The following PHACTR1 variants were observed in gnomAD, a reference collection of about 807,000 sequenced individuals.
The protein encoded by PHACTR1 is phosphatase and actin regulator 1.
In PHACTR1, 16 loss-of-function variants were observed where a neutral mutation model predicts 69.2. That is an observed-to-expected ratio of 0.23 (90% CI 0.16 to 0.35). The LOEUF (loss-of-function observed/expected upper bound fraction) is 0.35, where lower values mean the gene tolerates loss of function less well. PHACTR1 is among the 10% of genes least tolerant of loss of function. The pLI is 1.00. For synonymous variants in PHACTR1, 312 were observed against 284.5 expected (o/e 1.10, Z -0.97); for missense variants, 510 against 734.7 (o/e 0.69, Z 3.54).
chr6:13,063,330 A>G (rs555093258), intron 5 of PHACTR1, among the ~76,000 whole-genome samples: 5 of 152,206 alleles, frequency 3.3e-5, no homozygotes, highest in African/African-American at 7.2e-5. Context: ...GACAAGCCCA[A>G]CTGAGTGGCA....
chr6:13,284,313 T>C (rs1584466900), intron 13 of PHACTR1, among the ~76,000 whole-genome samples: 1 of 149,606 alleles, frequency 6.7e-6, no homozygotes, highest in South Asian at 2.1e-4. Context: ...AGGTCAGGAG[T>C]TCAAGACCAG....
At chr6:12,973,916 A>ATTTTTT (rs33948457) in intron 4 of PHACTR1, among the ~76,000 whole-genome samples, 67 of 92,822 alleles carry the variant, frequency 7.2e-4, no homozygotes, top group African/African-American at 8.8e-4. Context: ...AGAGGCTGGG[A>ATTTTTT]TTTTTTTTTT....
At chr6:13,112,051 C>T (rs573229986) in intron 5 of PHACTR1, among the ~76,000 whole-genome samples, 192 of 152,104 alleles carry the variant, frequency 1.3e-3, no homozygotes, top group Non-Finnish European at 2.1e-3. Flanking sequence ...CCATTAGGCC[C>T]CAGTGGGTGT....
intron 4 of PHACTR1, among the ~76,000 whole-genome samples, chr6:12,938,226 GTTATT>G (rs1789674631): frequency 6.6e-6 from 1 of 152,184 alleles, no homozygotes; most frequent in African/African-American, 2.4e-5. Flanking sequence ...GGTAAGAATT[GTTATT>G]TCCTGTCCTA....
intron 4 of PHACTR1, among the ~76,000 whole-genome samples, chr6:12,788,309 C>A (rs1229205986): frequency 6.6e-6 from 1 of 152,006 alleles, no homozygotes; most frequent in East Asian, 1.9e-4. Flanking sequence ...CTTTGCTTTG[C>A]AGAAATGAAA....
At chr6:13,059,604 G>T (rs1033045461) in intron 5 of PHACTR1, among the ~76,000 whole-genome samples, 1 of 152,048 alleles carries the variant, frequency 6.6e-6, no homozygotes. Flanking sequence ...TCATCTACTT[G>T]TATATTTACA....
intron 4 of PHACTR1, among the ~76,000 whole-genome samples, chr6:12,878,512 C>T (rs144591236): frequency 6.6e-6 from 1 of 152,286 alleles, no homozygotes; most frequent in African/African-American, 2.4e-5. Context: ...TCTCTTGAAG[C>T]CCTTGCCCTT....
At position 13,122,256 on chromosome 6, in the gene PHACTR1, T is replaced by C. The variant is rs9463455; in HGVS notation, c.416-37948T>C. Among the ~76,000 whole-genome samples, 1,194 of 152,350 alleles carry C rather than the reference T, an allele frequency of 7.8e-3. 16 individuals are homozygous for C. The highest frequency in any genetic ancestry group is 0.027 in the African/African-American group (1,121 of 41,570). Reference sequence around the variant, plus strand: ...ACTTTGTGTTTTACATCTAGGTATCTTGTATTTTCAAAGGTTATTTTTAAT... The same window carrying C: ...ACTTTGTGTTTTACATCTAGGTATCCTGTATTTTCAAAGGTTATTTTTAAT... On this transcript the variant is annotated intron_variant, in intron 5 of 14. Transcript: ENST00000332995.
chr6:12,727,593 C>A (rs1488710033), intron 3 of PHACTR1, among the ~76,000 whole-genome samples: 1 of 152,154 alleles, frequency 6.6e-6, no homozygotes, highest in Non-Finnish European at 1.5e-5. Context: ...ATCAATTAAT[C>A]ATTCCTGCTC....
intron 4 of PHACTR1, among the ~76,000 whole-genome samples, chr6:12,914,736 A>T (rs999395855): frequency 1.1e-4 from 17 of 152,166 alleles, no homozygotes; most frequent in African/African-American, 3.6e-4. Context: ...AACAATATTA[A>T]AAAAAATCAT....
chr6:12,790,815 T>C (rs1327212809), intron 4 of PHACTR1, among the ~76,000 whole-genome samples: 1 of 152,206 alleles, frequency 6.6e-6, no homozygotes, highest in Non-Finnish European at 1.5e-5. Context: ...GATGTTGAAA[T>C]TCCAGGAAGA....
intron 4 of PHACTR1, among the ~76,000 whole-genome samples, chr6:13,011,533 G>A (rs1799447404): frequency 6.6e-6 from 1 of 152,188 alleles, no homozygotes; most frequent in African/African-American, 2.4e-5. Context: ...CTGTGTCAGT[G>A]TTTGGTATGA....
chr6:12,937,993 G>A (rs536196257), intron 4 of PHACTR1, among the ~76,000 whole-genome samples: 3 of 152,200 alleles, frequency 2.0e-5, no homozygotes, highest in African/African-American at 7.2e-5. Context: ...CCAGCTACTC[G>A]GGAGGCTGAT....
intron 4 of PHACTR1, among the ~76,000 whole-genome samples, chr6:12,879,324 TGGAATAA>T (rs1420695135): frequency 1.2e-4 from 18 of 152,124 alleles, no homozygotes; most frequent in Non-Finnish European, 2.1e-4. Flanking sequence ...AGAACAAGCG[TGGAATAA>T]AAAATAATAC....
chr6:13,209,683 T>C (rs926185941), intron 8 of PHACTR1, among the ~76,000 whole-genome samples: 3 of 152,242 alleles, frequency 2.0e-5, no homozygotes, highest in Non-Finnish European at 4.4e-5. Flanking sequence ...AAGCCCCTGC[T>C]CACAGCAGTG....
At chr6:13,125,793 G>A (rs527874438) in intron 5 of PHACTR1, among the ~76,000 whole-genome samples, 1 of 152,024 alleles carries the variant, frequency 6.6e-6, no homozygotes, top group Admixed American at 6.6e-5. Flanking sequence ...AGCCAGACTT[G>A]GTGGTGCACA....
At chr6:13,107,613 A>C (rs770258240) in intron 5 of PHACTR1, among the ~76,000 whole-genome samples, 6 of 152,192 alleles carry the variant, frequency 3.9e-5, no homozygotes, top group Non-Finnish European at 5.9e-5. Context: ...TCTTTCAAAC[A>C]ATCTCTTCAT....
intron 6 of PHACTR1, among the ~76,000 whole-genome samples, chr6:13,169,101 A>G (rs896559793): frequency 1.3e-5 from 2 of 152,134 alleles, no homozygotes; most frequent in Non-Finnish European, 2.9e-5. Flanking sequence ...AAGAGAGGAC[A>G]GACTGGAGAG....
At chr6:13,100,888 T>C (rs1815051321) in intron 5 of PHACTR1, among the ~76,000 whole-genome samples, 1 of 152,228 alleles carries the variant, frequency 6.6e-6, no homozygotes, top group Non-Finnish European at 1.5e-5. Flanking sequence ...GCAATTTCAA[T>C]GACTAGCTTG....
Sources: allele counts gnomAD v4.1 joint callset (sites outside exome capture counted in the v4.1 genomes callset), GRCh38; gene constraint gnomAD v4.1.1; transcripts MANE v1.5; gene names NCBI Gene and HGNC (gene_info 2026-07-23, HGNC 2026-07-21).